CPZ: variants seen among roughly 807,000 people sequenced by gnomAD.
The protein encoded by CPZ is VEZT/CPZ fusion.
Under a neutral mutation model 61.8 loss-of-function variants are expected in CPZ, and 103 were observed. The observed-to-expected ratio is 1.67, with a 90% confidence interval of 1.42 to 1.96. The LOEUF is 1.96. Ranked by LOEUF, CPZ falls within the 30% of genes most tolerant of loss-of-function variation. The pLI is 0.00. For synonymous variants in CPZ, 551 were observed against 373.7 expected, an observed-to-expected ratio of 1.47 and a Z score of -5.47; for missense variants, 1,461 against 914.9, an observed-to-expected ratio of 1.60 and a Z score of -7.70.
rs752199686 is a variant in CPZ at position 8,607,231 on chromosome 4, C to G, written c.1069-36C>G. The stretch of plus-strand genomic sequence containing the variant: ...GCATGGCTGCGGGCCAGTGGGAAAG[C>G]CCAGCCCTGAGGGCGGCCTCGTCTG... On this transcript the variant is annotated intron_variant, in intron 6 of 10. Coordinates refer to ENST00000360986, the MANE Select transcript of CPZ (RefSeq NM_001014447.3). The G allele has an allele frequency of 6.9e-6, 11 of 1,605,338 alleles. No homozygotes were observed. In the African/African-American group the frequency reaches 1.3e-4, roughly 20 times the overall value.
intron 6 of CPZ, 150 bp downstream of exon 6, chr4:8,607,048 C>T (rs554862891): frequency 9.1e-7 from 1 of 1,095,900 alleles, no homozygotes; most frequent in African/African-American, 1.6e-5. Context: ...ATGGGAACAC[C>T]TCCTTGCTGG....
At chr4:8,593,150 C>T (rs1713922335) in intron 1 of CPZ, among the ~76,000 whole-genome samples, 1 of 152,166 alleles carries the variant, frequency 6.6e-6, no homozygotes, top group Non-Finnish European at 1.5e-5. Context: ...GCCGGGACCC[C>T]AGGCAGCAGA....
At chr4:8,616,316 C>T (rs1238169132) in intron 9 of CPZ, among the ~76,000 whole-genome samples, 1 of 152,138 alleles carries the variant, frequency 6.6e-6, no homozygotes, top group Non-Finnish European at 1.5e-5. Context: ...TCTTTCCCCA[C>T]CAGAGAACCG....
chr4:8,604,262 C>G, intron 4 of CPZ, 74 bp downstream of exon 4: 23 of 1,391,898 alleles, frequency 1.7e-5, no homozygotes, highest in Non-Finnish European at 2.2e-5. Flanking sequence ...TTCGGGTGCA[C>G]AAGTTGGTGG....
At chr4:8,593,715 G>A (rs891911030) in intron 1 of CPZ, among the ~76,000 whole-genome samples, 1 of 152,196 alleles carries the variant, frequency 6.6e-6, no homozygotes, top group East Asian at 1.9e-4. Context: ...GTTCTCTGGG[G>A]TTTGTGGATA....
chr4:8,604,080 G>C lies in CPZ; in HGVS notation c.601G>C (p.Ala201Pro). The change falls in exon 4 of 11, where the codon GCC (alanine) becomes CCC (proline). Residue 201 changes from alanine to proline, a missense_variant. Coordinates refer to ENST00000360986, the MANE Select transcript of CPZ (RefSeq NM_001014447.3). ...AQMVRVLRRTASRCAHVARTY... is the reference protein window; with the variant it reads ...AQMVRVLRRTPSRCAHVARTY... Reference sequence around the variant, plus strand: ...GATGGTGCGTGTGCTGAGGCGGACGGCCTCCCGCTGCGCCCACGTGGCCAG... The same window carrying C: ...GATGGTGCGTGTGCTGAGGCGGACGCCCTCCCGCTGCGCCCACGTGGCCAG... The C allele has an allele frequency of 1.2e-6, 2 of 1,609,496 alleles. No homozygotes were observed. Among genetic ancestry groups the C allele is most frequent in the Non-Finnish European group, 1.7e-6 (2 of 1,178,882 alleles).
chr4:8,595,321 C>T (rs760254230), intron 1 of CPZ, among the ~76,000 whole-genome samples: 19 of 152,312 alleles, frequency 1.2e-4, no homozygotes, highest in Middle Eastern at 6.8e-3. Flanking sequence ...CCCCACTGTG[C>T]GTTTGCAAGT....
Position 8,592,932 on chromosome 4 carries a change from C to T in CPZ, c.88+11C>T, listed in dbSNP as rs1440650460. The stretch of plus-strand genomic sequence containing the variant: ...AGCGGAACCCCGCCGGTAAGGCCGT[C>T]CCCTGCCCCCACCCTCCACCCTCCA... On this transcript the variant is annotated intron_variant, in intron 1 of 10. Coordinates refer to ENST00000360986, the MANE Select transcript of CPZ (RefSeq NM_001014447.3). The T allele has an allele frequency of 1.3e-6, 2 of 1,527,104 alleles. No individual in the cohort carries two copies. Among genetic ancestry groups the T allele is most frequent in the Admixed American group, 2.0e-5 (1 of 50,054 alleles). The allele number at this position is 1,527,104 out of a possible 1,614,324, so 94.6% of individuals were successfully genotyped here. A position where few individuals can be genotyped will look rare whatever the true frequency, so the allele number is the denominator to read the frequency against.
intron 1 of CPZ, among the ~76,000 whole-genome samples, chr4:8,593,867 C>A (rs1272577835): frequency 6.6e-6 from 1 of 152,210 alleles, no homozygotes; most frequent in Admixed American, 6.5e-5. Flanking sequence ...TACCTCTGGG[C>A]TCTTTTCTAC....
intron 3 of CPZ, chr4:8,603,614 C>A: frequency 3.6e-6 from 1 of 276,352 alleles, no homozygotes; most frequent in Non-Finnish European, 6.8e-6. Flanking sequence ...AAAACACGCC[C>A]AGGAAAATCC....
At position 8,605,319 on chromosome 4, in the gene CPZ, T is replaced by TCCATCC. The variant is rs1560293797; in HGVS notation, c.710-670_710-669insCCATCC. ...CTCTTCTTCCTATAGTCCATTCATT[T>TCCATCC]ATTCATCCATCCATCCATCCATCCA... On this transcript the variant is annotated intron_variant, in intron 4 of 10. Coordinates refer to ENST00000360986, the MANE Select transcript of CPZ (RefSeq NM_001014447.3). 2.5e-4 allele frequency among the ~76,000 whole-genome samples: 6 copies of TCCATCC among 23,906 alleles called. No individual in the cohort carries two copies. The East Asian group carries it at 6.5e-3, about 26-fold the overall frequency. The allele number at this position is 23,906 out of a possible 152,430, so 15.7% of individuals were successfully genotyped here.
At position 8,614,284 on chromosome 4, in the gene CPZ, G is replaced by A. The variant is rs528204058; in HGVS notation, c.1364-75G>A. 6.8e-5 allele frequency: 102 copies of A among 1,500,946 alleles called. No individual in the cohort carries two copies. The African/African-American group carries it at 1.0e-3, about 15-fold the overall frequency. 93.0% of individuals were successfully genotyped at this position (1,500,946 alleles called of 1,614,324 possible). Reference sequence around the variant, plus strand: ...CCCGGCGTCCCGGCTGTCTCTGTGCGGCTGACACCCCTGACGTCCCGGCTG... The same window carrying A: ...CCCGGCGTCCCGGCTGTCTCTGTGCAGCTGACACCCCTGACGTCCCGGCTG... On this transcript the variant is annotated intron_variant, in intron 8 of 10. Coordinates refer to ENST00000360986, the MANE Select transcript of CPZ (RefSeq NM_001014447.3).
chr4:8,608,641 C>CGTGTGTGTGTGTGTAT (rs57341669), intron 7 of CPZ, among the ~76,000 whole-genome samples: 1 of 151,418 alleles, frequency 6.6e-6, no homozygotes, highest in Non-Finnish European at 1.5e-5. Flanking sequence ...TGTGAGTGCA[C>CGTGTGTGTGTGTGTAT]GTGTGTGCGT....
At chr4:8,593,258 C>G (rs1005104103) in intron 1 of CPZ, among the ~76,000 whole-genome samples, 7 of 152,188 alleles carry the variant, frequency 4.6e-5, no homozygotes, top group African/African-American at 1.4e-4. Context: ...GGTGCCAGGA[C>G]TTTGCAGGGT....
At chr4:8,605,632 T>TC (rs879542414) in intron 4 of CPZ, among the ~76,000 whole-genome samples, 1 of 109,400 alleles carries the variant, frequency 9.1e-6, no homozygotes, top group African/African-American at 5.1e-5. Flanking sequence ...CCATCATTGA[T>TC]ATATCCATTC....
chr4:8,606,300 G>A (rs1714996788), intron 5 of CPZ, 115 bp downstream of exon 5: 5 of 1,052,864 alleles, frequency 4.7e-6, no homozygotes, highest in Admixed American at 2.6e-5. Context: ...TAGGAGAGGA[G>A]CATTCAGCAG....
Position 8,592,842 on chromosome 4 carries a change from C to CCG in CPZ, c.10_11insGC (p.Pro4ArgfsTer80). 1 of 1,479,790 alleles carries CCG rather than the reference C, an allele frequency of 6.8e-7. No individual in the cohort carries two copies. 91.7% of individuals were successfully genotyped at this position (1,479,790 alleles called of 1,614,324 possible). ...AGGTCCGCCGCCCCACCATGCCGCC[C>CCG]CCGCTGCCGCTGCTGCTCCTTACAG... On this transcript the variant is annotated frameshift_variant, in exon 1 of 11. Coordinates refer to ENST00000360986, the MANE Select transcript of CPZ (RefSeq NM_001014447.3). LOFTEE classifies it high-confidence loss of function.
At chr4:8,618,217 T>C (rs1716363707) in intron 9 of CPZ, 1 of 580,962 alleles carries the variant, frequency 1.7e-6, no homozygotes, top group African/African-American at 1.9e-5. Flanking sequence ...CAGAACGTGC[T>C]CGGGTCAATT....
At chr4:8,609,221 T>TC (rs1553877686) in intron 7 of CPZ, among the ~76,000 whole-genome samples, 861 of 14,860 alleles carry the variant, frequency 0.058, 5 homozygotes, top group South Asian at 0.16. Flanking sequence ...CTCATTCACT[T>TC]ACTCACTCAT....
Sources: allele counts gnomAD v4.1 joint callset (sites outside exome capture counted in the v4.1 genomes callset), GRCh38; gene constraint gnomAD v4.1.1; transcripts MANE v1.5; gene names NCBI Gene and HGNC (gene_info 2026-07-23, HGNC 2026-07-21).